The following SLC12A7 variants were observed in gnomAD, a reference collection of about 807,000 sequenced individuals.
SLC12A7 encodes the protein solute carrier family 12 member 7, also known as K-Cl cotransporter 4.
Under a neutral mutation model 120.6 loss-of-function variants are expected in SLC12A7, and 100 were observed. The ratio of observed to expected loss-of-function variants is 0.83; its 90% CI spans 0.71 to 0.98. The LOEUF (loss-of-function observed/expected upper bound fraction) is 0.98. Ranked by LOEUF, SLC12A7 falls within the 50% of genes least tolerant of loss-of-function variation. SLC12A7 has a pLI of 0.00. For synonymous variants in SLC12A7, 760 were observed against 678.0 expected (o/e 1.12, Z -1.88); for missense variants, 1,373 against 1,548.1 (o/e 0.89, Z 1.90).
At chr5:1,089,871 T>C (rs1740299370) in intron 3 of SLC12A7, among the ~76,000 whole-genome samples, 1 of 151,894 alleles carries the variant, frequency 6.6e-6, no homozygotes, top group African/African-American at 2.4e-5. Context: ...CAGGCTGGGG[T>C]AGAAGTTTCA....
the SLC12A7 span, among the ~76,000 whole-genome samples, chr5:1,120,271 C>T: frequency 2.6e-5 from 4 of 152,234 alleles, no homozygotes; most frequent in Admixed American, 6.5e-5. Context: ...GGAGCAAGCC[C>T]GGGTGCAGCT....
intron 22 of SLC12A7, among the ~76,000 whole-genome samples, chr5:1,054,407 G>C (rs746671760): frequency 2.0e-5 from 3 of 152,192 alleles, no homozygotes; most frequent in Non-Finnish European, 2.9e-5. Context: ...AGGCCCTTGC[G>C]GGACAGAGCT....
At chr5:1,125,714 C>G in the SLC12A7 span, among the ~76,000 whole-genome samples, 1 of 152,098 alleles carries the variant, frequency 6.6e-6, no homozygotes, top group Non-Finnish European at 1.5e-5. Flanking sequence ...CACCTGAGGC[C>G]AGGAGTTTGA....
chr5:1,089,595 A>G (rs1457510895), intron 3 of SLC12A7, among the ~76,000 whole-genome samples: 1 of 147,168 alleles, frequency 6.8e-6, no homozygotes, highest in Non-Finnish European at 1.5e-5. Context: ...AAAAAAATCC[A>G]CAGCTCAGCG....
chr5:1,084,009 C>G, intron 7 of SLC12A7, 53 bp from the exon 8 acceptor site: 1 of 1,510,606 alleles, frequency 6.6e-7, no homozygotes, highest in Non-Finnish European at 9.0e-7. Context: ...GTGGCTTTTA[C>G]TGCCCCACCC....
At chr5:1,088,858 T>G in intron 4 of SLC12A7, 124 bp downstream of exon 4, 1 of 1,281,720 alleles carries the variant, frequency 7.8e-7, no homozygotes. Flanking sequence ...AGGGCCCTAC[T>G]GTCCGGCTGC....
the SLC12A7 span, among the ~76,000 whole-genome samples, chr5:1,154,568 C>A: frequency 2.8e-4 from 42 of 152,304 alleles, no homozygotes; most frequent in African/African-American, 9.6e-4. Flanking sequence ...CGTGGACACT[C>A]ACATGGCTCC....
the SLC12A7 span, among the ~76,000 whole-genome samples, chr5:1,150,431 GCC>G: frequency 6.6e-6 from 1 of 152,152 alleles, no homozygotes; most frequent in South Asian, 2.1e-4. Flanking sequence ...AGGCCCAAAG[GCC>G]CAGCCCACAG....
chr5:1,056,208 G>A (rs150923549), intron 22 of SLC12A7, among the ~76,000 whole-genome samples: 39 of 152,212 alleles, frequency 2.6e-4, no homozygotes, highest in African/African-American at 8.7e-4. Context: ...AGGTGGGAAC[G>A]CGACTCAGCT....
At chr5:1,134,265 T>C in the SLC12A7 span, among the ~76,000 whole-genome samples, 10 of 151,956 alleles carry the variant, frequency 6.6e-5, no homozygotes, top group South Asian at 2.1e-3. Context: ...AGGTCAGGAG[T>C]TCGAGACCAG....
chr5:1,088,594 A>G (rs1360867628), intron 4 of SLC12A7, among the ~76,000 whole-genome samples: 1 of 152,146 alleles, frequency 6.6e-6, no homozygotes, highest in Non-Finnish European at 1.5e-5. Context: ...AAAGTGCCCA[A>G]GGTCCTTCCA....
chr5:1,103,216 C>A (rs1232090061), intron 1 of SLC12A7, among the ~76,000 whole-genome samples: 1 of 152,170 alleles, frequency 6.6e-6, no homozygotes, highest in African/African-American at 2.4e-5. Context: ...GCAGCGCTGC[C>A]TTCTGAGGGA....
the SLC12A7 span, among the ~76,000 whole-genome samples, chr5:1,152,028 C>T: frequency 2.6e-5 from 4 of 152,178 alleles, no homozygotes; most frequent in South Asian, 4.1e-4. Context: ...GCCTCTGGAA[C>T]CATCTGTGAA....
chr5:1,118,302 G>A, the SLC12A7 span, among the ~76,000 whole-genome samples: 1 of 152,190 alleles, frequency 6.6e-6, no homozygotes, highest in Admixed American at 6.5e-5. Context: ...CTCTGTCTGG[G>A]CAGCAGGCAA....
At chr5:1,075,241 A>G in intron 15 of SLC12A7, 130 bp downstream of exon 15, 3 of 1,316,284 alleles carry the variant, frequency 2.3e-6, no homozygotes, top group Non-Finnish European at 3.1e-6. Flanking sequence ...ACGTGCTCCC[A>G]GCTGCCCCTG....
At chr5:1,142,604 T>C in the SLC12A7 span, among the ~76,000 whole-genome samples, 961 of 145,592 alleles carry the variant, frequency 6.6e-3, 10 homozygotes, top group African/African-American at 0.023. Context: ...CTGTCTGTTT[T>C]TCTGTCTCTG....
chr5:1,132,507 T>C, the SLC12A7 span, among the ~76,000 whole-genome samples: 192 of 152,316 alleles, frequency 1.3e-3, no homozygotes, highest in Non-Finnish European at 2.1e-3. Flanking sequence ...GGGGGTCGTC[T>C]GGATTGGGGC....
intron 17 of SLC12A7, among the ~76,000 whole-genome samples, chr5:1,068,286 T>A (rs1033570302): frequency 6.6e-5 from 10 of 152,078 alleles, no homozygotes; most frequent in African/African-American, 2.4e-4. Flanking sequence ...AATACAAAAA[T>A]GAGCCGGGCG....
chr5:1,096,505 C>T (rs954993970), intron 1 of SLC12A7, among the ~76,000 whole-genome samples: 10 of 151,852 alleles, frequency 6.6e-5, no homozygotes, highest in African/African-American at 2.4e-4. Flanking sequence ...GGGCCCTTCC[C>T]CACTCCTCTT....
Sources: gnomAD v4.1 joint callset for allele counts (sites outside exome capture counted in the v4.1 genomes callset) on GRCh38, gnomAD v4.1.1 for gene constraint, MANE v1.5 for transcripts, NCBI Gene and HGNC (gene_info 2026-07-23, HGNC 2026-07-21) for gene names.